KIF1C: variants seen among roughly 807,000 people sequenced by gnomAD.
KIF1C encodes kinesin family member 1C, also known as kinesin-like protein KIF1C.
A neutral mutation model predicts 126.5 loss-of-function variants in KIF1C; 61 were observed. That is an observed-to-expected ratio of 0.48 (90% CI 0.39 to 0.60). The LOEUF is 0.60. Ranked by LOEUF, KIF1C falls within the 20% of genes least tolerant of loss-of-function variation. KIF1C has a pLI of 0.00. For synonymous variants in KIF1C, 640 were observed against 580.6 expected (o/e 1.10, Z -1.47); for missense variants, 1,315 against 1,489.2 (o/e 0.88, Z 1.93).
Position 5,022,220 on chromosome 17 carries a change from G to C in KIF1C, c.2139G>C (p.Leu713=), listed in dbSNP as rs1172198395. 6.2e-7 allele frequency: 1 copy of C among 1,614,158 alleles called. No individual in the cohort carries two copies. The highest frequency in any genetic ancestry group is 1.3e-5 in the African/African-American group (1 of 75,066). Residue 713 remains leucine (L), a synonymous_variant, in exon 22 of 23, where the codon CTG becomes CTC. Transcript: ENST00000320785. This position sits in a 1 kb window ranked among gnomAD's most constrained non-coding sequence, Gnocchi z 4.9. ...AGACCATTGTCAAACGCTGTGGTCT[G>C]CCCAGCAGTGGCAAGCGCAGGGCCC... ...TVQTIVKRCG[L]PSSGKRRAPR...
Position 5,025,671 on chromosome 17 carries a change from T to C in KIF1C, c.*1520T>C, listed in dbSNP as rs1975196799. Reference sequence around the variant, plus strand: ...TCTACTAAAAATAAAAATAAAAAAATTAGCCGGGCATGGTGGCGGGGGCCT... The same window carrying C: ...TCTACTAAAAATAAAAATAAAAAAACTAGCCGGGCATGGTGGCGGGGGCCT... On this transcript the variant is annotated 3_prime_UTR_variant, in exon 23 of 23. Transcript: ENST00000320785. 1 of 152,036 alleles carries C rather than the reference T, an allele frequency of 6.6e-6. No individual in the cohort carries two copies. Among genetic ancestry groups the C allele is most frequent in the South Asian group, 2.1e-4 (1 of 4,818 alleles). 9.4% of individuals were successfully genotyped at this position (152,036 alleles called of 1,614,324 possible). A position where few individuals can be genotyped will look rare whatever the true frequency, so the allele number is the denominator to read the frequency against.
At position 5,013,639 on chromosome 17, in the gene KIF1C, C is replaced by G; in HGVS notation, c.1492-14C>G. The G allele has an allele frequency of 6.2e-7, 1 of 1,610,354 alleles. No homozygotes were observed. The highest frequency in any genetic ancestry group is 8.5e-7 in the Non-Finnish European group (1 of 1,176,796). ...TGGCTGGCTCCCCCTGACCACCTTTCTCTCCCCGCTTAGACTCCCCACCTG... is the reference window on the plus strand; with the variant it reads ...TGGCTGGCTCCCCCTGACCACCTTTGTCTCCCCGCTTAGACTCCCCACCTG... On this transcript the variant is annotated splice_polypyrimidine_tract_variant and intron_variant, in intron 16 of 22. Transcript: ENST00000320785.
chr17:5,020,086 G>A lies in KIF1C; in HGVS notation c.1750+7G>A, dbSNP rs761066122. The stretch of plus-strand genomic sequence containing the variant: ...CCGCTGGTGCTGAAGTCAGGTAGAA[G>A]ATGTGTCGCAGATTGAGGGTTCTGG... On this transcript the variant is annotated splice_region_variant and intron_variant, in intron 19 of 22. Transcript: ENST00000320785. The surrounding 1 kb of genome is among the most constrained non-coding windows in gnomAD (Gnocchi z 5.8). The A allele has an allele frequency of 6.3e-7, 1 of 1,578,990 alleles. No homozygotes were observed. The highest frequency in any genetic ancestry group is 8.6e-7 in the Non-Finnish European group (1 of 1,161,674).
intron 6 of KIF1C, 123 bp from the exon 7 acceptor site, chr17:5,002,341 G>A (rs181734317): frequency 1.1e-4 from 119 of 1,046,086 alleles, no homozygotes; most frequent in Admixed American, 3.4e-4. Flanking sequence ...GCTAGCATCT[G>A]CAGAATGCTT....
At chr17:5,013,987 T>C (rs569727931) in intron 17 of KIF1C, among the ~76,000 whole-genome samples, 1 of 152,294 alleles carries the variant, frequency 6.6e-6, no homozygotes, top group East Asian at 1.9e-4. Context: ...TTGGGAAACA[T>C]AGACCCCCTC....
intron 16 of KIF1C, among the ~76,000 whole-genome samples, chr17:5,010,471 G>T (rs371666847): frequency 6.6e-6 from 1 of 152,022 alleles, no homozygotes; most frequent in Non-Finnish European, 1.5e-5. Flanking sequence ...AATCTAGGCC[G>T]GGTGCGGTGG....
chr17:5,013,807 G>A (rs1482864592), intron 17 of KIF1C, 75 bp downstream of exon 17: 16 of 1,142,296 alleles, frequency 1.4e-5, no homozygotes, highest in Non-Finnish European at 2.0e-5. Flanking sequence ...CCACATTGGT[G>A]TCTCCCTTCC....
intron 12 of KIF1C, 50 bp downstream of exon 12, chr17:5,004,695 G>A (rs769762052): frequency 6.3e-7 from 1 of 1,595,538 alleles, no homozygotes; most frequent in South Asian, 1.1e-5. Context: ...AAGAGTGCCA[G>A]GAGTTCAGAG....
chr17:5,024,294 G>C lies in KIF1C; in HGVS notation c.*143G>C, dbSNP rs1975164708. On this transcript the variant is annotated 3_prime_UTR_variant, in exon 23 of 23. Transcript: ENST00000320785. ...GTCCGAGTAGGTGATAGAAGACAAG[G>C]GGGAGACCGAGCCGGAGGCTGAGGA... The C allele has an allele frequency of 3.3e-6, 2 of 613,328 alleles. No individual in the cohort carries two copies. Among genetic ancestry groups the C allele is most frequent in the Non-Finnish European group, 2.8e-6 (1 of 358,726 alleles). The allele number at this position is 613,328 out of a possible 1,614,324, so 38.0% of individuals were successfully genotyped here.
At chr17:5,002,985 C>G in intron 8 of KIF1C, 143 bp downstream of exon 8, 1 of 627,104 alleles carries the variant, frequency 1.6e-6, no homozygotes, top group Non-Finnish European at 2.8e-6. Context: ...CGCGCCCCAC[C>G]CCTACCCTGT....
rs781185919 is a variant in KIF1C, at chr17:5,022,229, T to C, written c.2148T>C (p.Ser716=). Residue 716 remains serine (S), a synonymous_variant, in exon 22 of 23, where the codon AGT becomes AGC. Coordinates refer to ENST00000320785, the MANE Select transcript of KIF1C (RefSeq NM_006612.6). This position sits in a 1 kb window ranked among gnomAD's most constrained non-coding sequence, Gnocchi z 4.9. Reference sequence around the variant, plus strand: ...TCAAACGCTGTGGTCTGCCCAGCAGTGGCAAGCGCAGGGCCCCTCGCAGGG... The same window carrying C: ...TCAAACGCTGTGGTCTGCCCAGCAGCGGCAAGCGCAGGGCCCCTCGCAGGG... The part of the protein sequence containing the change: ...TIVKRCGLPS[S]GKRRAPRRVY... The C allele has an allele frequency of 5.6e-6, 9 of 1,614,154 alleles. No homozygotes were observed. The South Asian group carries it at 7.7e-5, about 14-fold the overall frequency.
rs765953943 is a variant in KIF1C, at chr17:5,023,539, G to A, written c.2700G>A (p.Glu900=). 3 of 1,613,782 alleles carry A rather than the reference G, an allele frequency of 1.9e-6. No individual in the cohort carries two copies. The highest frequency in any genetic ancestry group is 2.5e-6 in the Non-Finnish European group (3 of 1,179,934). ...WAPPEGSEAA[E]EAAPSDRMPS... is the part of the protein sequence containing the mutation. ...CGCCTGAAGGATCAGAGGCAGCAGAGGAGGCAGCCCCCAGTGACCGCATGC... is the reference window on the plus strand; with the variant it reads ...CGCCTGAAGGATCAGAGGCAGCAGAAGAGGCAGCCCCCAGTGACCGCATGC... The change falls in exon 23 of 23, where the codon GAG becomes GAA. Residue 900 remains glutamate (E), a synonymous_variant. Coordinates refer to ENST00000320785, the MANE Select transcript of KIF1C (RefSeq NM_006612.6). This position sits in a 1 kb window ranked among gnomAD's most constrained non-coding sequence, Gnocchi z 4.2.
chr17:5,003,660 T>G lies in KIF1C; in HGVS notation c.769T>G (p.Ser257Ala). The G allele has an allele frequency of 6.2e-7, 1 of 1,613,716 alleles. No individual in the cohort carries two copies. The highest frequency in any genetic ancestry group is 1.6e-4 in the Middle Eastern group (1 of 6,062). Residue 257 changes from serine (S) to alanine (A), a missense_variant, in exon 9 of 23, where the codon TCC (serine) becomes GCC (alanine). Transcript: ENST00000320785. ...CCTTGCTGGGAGTGAGCGAGCCGAC[T>G]CCTCAGGGGCCCGGGGCATGCGCCT... ...VDLAGSERAD[S>A]SGARGMRLKE...
At chr17:5,011,190 AAG>A (rs988789899) in intron 16 of KIF1C, among the ~76,000 whole-genome samples, 3 of 152,312 alleles carry the variant, frequency 2.0e-5, no homozygotes, top group African/African-American at 7.2e-5. Flanking sequence ...CTAAAGCCAG[AAG>A]AGAGAACTGT....
At chr17:5,004,729 G>A (rs1221522930) in intron 12 of KIF1C, 84 bp downstream of exon 12, 6 of 1,580,188 alleles carry the variant, frequency 3.8e-6, no homozygotes, top group East Asian at 2.2e-5. Context: ...GACCCTGCTC[G>A]TGAGACGGGG....
chr17:5,004,951 G>A lies in KIF1C; in HGVS notation c.1116G>A (p.Arg372=). ...LIRELQEEVA[R]LRELLMAQGL... ...GAGAGCTGCAGGAGGAAGTAGCCCG[G>A]CTGCGGGAACTGCTGATGGCTCAGG... Residue 372 remains arginine (R), a synonymous_variant, in exon 13 of 23, where the codon CGG becomes CGA. Coordinates refer to ENST00000320785, the MANE Select transcript of KIF1C (RefSeq NM_006612.6). The A allele has an allele frequency of 6.2e-7, 1 of 1,614,242 alleles. No homozygotes were observed. Among genetic ancestry groups the A allele is most frequent in the South Asian group, 1.1e-5 (1 of 91,090 alleles).
intron 16 of KIF1C, among the ~76,000 whole-genome samples, chr17:5,010,259 T>C (rs1268908311): frequency 2.0e-5 from 3 of 152,214 alleles, no homozygotes; most frequent in Non-Finnish European, 4.4e-5. Flanking sequence ...CTTTATTTTT[T>C]TCACGGTGTC....
In KIF1C at chr17:5,022,613, G is replaced by C. The variant is rs1975119201; in HGVS notation, c.2532G>C (p.Leu844=). The change falls in exon 22 of 23, where the codon CTG becomes CTC. Residue 844 remains leucine, a synonymous_variant. Transcript: ENST00000320785. This position sits in a 1 kb window ranked among gnomAD's most constrained non-coding sequence, Gnocchi z 4.9. Reference sequence around the variant, plus strand: ...ACATCGACAAGCTGACGGGGATTCTGCAGGAGGTGAAGCTGCAGAACAGCA... The same window carrying C: ...ACATCGACAAGCTGACGGGGATTCTCCAGGAGGTGAAGCTGCAGAACAGCA... The part of the protein sequence containing the change: ...RAHIDKLTGI[L]QEVKLQNSSK... 6.2e-7 allele frequency: 1 copy of C among 1,607,026 alleles called. No homozygotes were observed. The highest frequency in any genetic ancestry group is 1.3e-5 in the African/African-American group (1 of 74,858).
At chr17:5,007,599 G>T (rs1974765420) in intron 16 of KIF1C, 57 bp downstream of exon 16, 1 of 1,418,380 alleles carries the variant, frequency 7.1e-7, no homozygotes, top group East Asian at 2.3e-5. Context: ...CTAGAAAAGA[G>T]GCAGCAGGTG....
Sources: allele counts gnomAD v4.1 joint callset (sites outside exome capture counted in the v4.1 genomes callset), GRCh38; gene constraint gnomAD v4.1.1; non-coding constraint Gnocchi (gnomAD v3.1); transcripts MANE v1.5; gene names NCBI Gene and HGNC (gene_info 2026-07-23, HGNC 2026-07-21).